MLLT3: variants seen among roughly 807,000 people sequenced by gnomAD.
MLLT3 encodes the protein protein AF-9.
A neutral mutation model predicts 53.2 loss-of-function variants in MLLT3; 4 were observed. The observed-to-expected ratio is 0.08, with a 90% confidence interval of 0.04 to 0.17. The LOEUF is 0.17. Among genes scored for constraint, MLLT3 ranks in the 10% least tolerant of loss-of-function variants. MLLT3 has a pLI of 1.00. For synonymous variants in MLLT3, 283 were observed against 230.6 expected (o/e 1.23, Z -2.06); for missense variants, 569 against 684.0 (o/e 0.83, Z 1.87).
intron 5 of MLLT3, among the ~76,000 whole-genome samples, chr9:20,394,293 G>A (rs558089168): frequency 1.3e-4 from 20 of 152,222 alleles, no homozygotes; most frequent in African/African-American, 4.1e-4. Context: ...GAGGCAGGGA[G>A]GCAGAGCAGT....
chr9:20,473,309 T>A (rs1289572910), intron 2 of MLLT3, among the ~76,000 whole-genome samples: 1 of 152,162 alleles, frequency 6.6e-6, no homozygotes, highest in African/African-American at 2.4e-5. Context: ...AACACTTTTT[T>A]AAAGGAGCAT....
intron 5 of MLLT3, among the ~76,000 whole-genome samples, chr9:20,412,739 T>C (rs1244090750): frequency 6.6e-6 from 1 of 152,204 alleles, no homozygotes; most frequent in Non-Finnish European, 1.5e-5. Context: ...TTGGGACTGA[T>C]CATTACTAAT....
intron 5 of MLLT3, among the ~76,000 whole-genome samples, chr9:20,402,343 T>C (rs533401177): frequency 6.6e-6 from 1 of 152,110 alleles, no homozygotes; most frequent in Non-Finnish European, 1.5e-5. Flanking sequence ...AGAAAGGATA[T>C]GAAGGTGCCA....
At chr9:20,605,850 T>A (rs1193911786) in intron 2 of MLLT3, among the ~76,000 whole-genome samples, 2 of 152,114 alleles carry the variant, frequency 1.3e-5, no homozygotes, top group African/African-American at 4.8e-5. Flanking sequence ...TCACTTCAAC[T>A]ATTAAGCATT....
intron 5 of MLLT3, among the ~76,000 whole-genome samples, chr9:20,374,095 A>AT (rs1264880474): frequency 6.6e-6 from 1 of 152,178 alleles, no homozygotes; most frequent in Non-Finnish European, 1.5e-5. Flanking sequence ...AAAAAATAAC[A>AT]TAACAAGCTA....
chr9:20,571,931 T>A (rs749569772), intron 2 of MLLT3, among the ~76,000 whole-genome samples: 11 of 152,314 alleles, frequency 7.2e-5, no homozygotes, highest in South Asian at 4.1e-4. Context: ...TTGGTGGGAA[T>A]GTACATTAGT....
intron 4 of MLLT3, among the ~76,000 whole-genome samples, chr9:20,425,055 G>A (rs1263525890): frequency 1.3e-5 from 2 of 152,104 alleles, no homozygotes; most frequent in East Asian, 3.9e-4. Flanking sequence ...CCCTTACAAC[G>A]TAAGTGTCTG....
chr9:20,589,475 C>A (rs922773926), intron 2 of MLLT3, among the ~76,000 whole-genome samples: 10 of 147,570 alleles, frequency 6.8e-5, no homozygotes, highest in African/African-American at 2.5e-4. Context: ...GGGAGATATA[C>A]CTAATGCTAG....
At chr9:20,457,210 C>A (rs1192670734) in intron 2 of MLLT3, among the ~76,000 whole-genome samples, 1 of 135,754 alleles carries the variant, frequency 7.4e-6, no homozygotes, top group Non-Finnish European at 1.6e-5. Flanking sequence ...TAACTTCTGA[C>A]TTGTCTGAGA....
chr9:20,551,681 GTAT>G (rs1308639760), intron 2 of MLLT3, among the ~76,000 whole-genome samples: 1 of 152,152 alleles, frequency 6.6e-6, no homozygotes, highest in African/African-American at 2.4e-5. Flanking sequence ...CATGACTTCA[GTAT>G]TTAATAGAGT....
chr9:20,579,844 C>A (rs1363696047), intron 2 of MLLT3, among the ~76,000 whole-genome samples: 1 of 152,082 alleles, frequency 6.6e-6, no homozygotes, highest in Non-Finnish European at 1.5e-5. Flanking sequence ...GTATGGGATG[C>A]CTAGGTAGCA....
intron 2 of MLLT3, among the ~76,000 whole-genome samples, chr9:20,561,607 C>T (rs746908400): frequency 2.6e-5 from 4 of 152,154 alleles, no homozygotes; most frequent in Non-Finnish European, 4.4e-5. Flanking sequence ...AACCACCACA[C>T]ATGGTTGCTT....
At chr9:20,584,646 C>G (rs4634744) in intron 2 of MLLT3, among the ~76,000 whole-genome samples, 2 of 152,138 alleles carry the variant, frequency 1.3e-5, no homozygotes, top group African/African-American at 4.8e-5. Flanking sequence ...ATAAACCCAT[C>G]AGATCTCACG....
chr9:20,509,574 T>C (rs570902176), intron 2 of MLLT3, among the ~76,000 whole-genome samples: 1 of 152,198 alleles, frequency 6.6e-6, no homozygotes, highest in Non-Finnish European at 1.5e-5. Flanking sequence ...ACTTGAGGTT[T>C]TGGCTTTTGT....
chr9:20,401,387 A>T (rs1822450299), intron 5 of MLLT3, among the ~76,000 whole-genome samples: 1 of 152,202 alleles, frequency 6.6e-6, no homozygotes, highest in Non-Finnish European at 1.5e-5. Flanking sequence ...GGGTACAGCT[A>T]AATCAGTTAG....
chr9:20,366,171 G>A (rs920298886), intron 5 of MLLT3, among the ~76,000 whole-genome samples: 2 of 152,120 alleles, frequency 1.3e-5, no homozygotes, highest in East Asian at 3.9e-4. Context: ...TCTACGTTAG[G>A]TATTTCTCCT....
In MLLT3 at chr9:20,343,274, T is replaced by C; in HGVS notation, c.*3169A>G. On this transcript the variant is annotated 3_prime_UTR_variant, in exon 11 of 11. Coordinates refer to ENST00000380338, the MANE Select transcript of MLLT3 (RefSeq NM_004529.4). ...ATTACTGGCTCTTTCCACCAAAAGGTGAATATTCAGATTAGAGAGATTTAA... is the reference window on the plus strand; with the variant it reads ...ATTACTGGCTCTTTCCACCAAAAGGCGAATATTCAGATTAGAGAGATTTAA... The C allele has an allele frequency of 5.6e-6, 1 of 177,628 alleles. No homozygotes were observed. Among genetic ancestry groups the C allele is most frequent in the Non-Finnish European group, 1.1e-5 (1 of 89,278 alleles). 11.0% of individuals were successfully genotyped at this position (177,628 alleles called of 1,614,324 possible).
chr9:20,422,349 T>G (rs1823030428), intron 4 of MLLT3, among the ~76,000 whole-genome samples: 1 of 152,146 alleles, frequency 6.6e-6, no homozygotes, highest in African/African-American at 2.4e-5. Flanking sequence ...CTACAATATA[T>G]CCTCGCAGAT....
intron 4 of MLLT3, among the ~76,000 whole-genome samples, chr9:20,447,112 A>T (rs1016708362): frequency 6.6e-6 from 1 of 152,170 alleles, no homozygotes; most frequent in African/African-American, 2.4e-5. Context: ...ACTTTCTCAT[A>T]ATAGGAACAA....
Sources: gnomAD v4.1 joint callset for allele counts (sites outside exome capture counted in the v4.1 genomes callset) on GRCh38, gnomAD v4.1.1 for gene constraint, MANE v1.5 for transcripts, NCBI Gene and HGNC (gene_info 2026-07-23, HGNC 2026-07-21) for gene names.